PDGFRL: variants seen among roughly 807,000 people sequenced by gnomAD.
PDGFRL encodes platelet-derived growth factor receptor-like protein.
Under a neutral mutation model 37.2 loss-of-function variants are expected in PDGFRL, and 46 were observed. The observed-to-expected ratio is 1.24, with a 90% CI of 0.98 to 1.58. The LOEUF (loss-of-function observed/expected upper bound fraction) is 1.58, where lower values mean the gene tolerates loss of function less well. Among genes scored for constraint, PDGFRL ranks in the 40% most tolerant of loss-of-function variants. The pLI, the probability that PDGFRL is intolerant of heterozygous loss-of-function variation, is 0.00. For missense variants in PDGFRL, 692 were observed against 467.6 expected (o/e 1.48, Z -4.43); for synonymous variants, 251 against 184.3 (o/e 1.36, Z -2.93).
At chr8:17,609,024 G>C (rs1049344865) in intron 2 of PDGFRL, among the ~76,000 whole-genome samples, 5 of 152,112 alleles carry the variant, frequency 3.3e-5, no homozygotes, top group Non-Finnish European at 7.4e-5. Context: ...TTTGAGACCA[G>C]CCTGAGCAAA....
At chr8:17,640,001 C>T (rs771901812) in intron 5 of PDGFRL, among the ~76,000 whole-genome samples, 5 of 152,026 alleles carry the variant, frequency 3.3e-5, no homozygotes, top group South Asian at 2.1e-4. Flanking sequence ...TGTCTTTGTT[C>T]GATTGGGTTA....
chr8:17,622,164 C>T (rs540575748), intron 3 of PDGFRL, among the ~76,000 whole-genome samples: 46 of 152,308 alleles, frequency 3.0e-4, no homozygotes, highest in South Asian at 4.1e-4. Context: ...TTGAGAAACA[C>T]GTGTGCAGAA....
At chr8:17,600,284 G>T (rs1240026797) in intron 2 of PDGFRL, among the ~76,000 whole-genome samples, 2 of 152,010 alleles carry the variant, frequency 1.3e-5, no homozygotes, top group Non-Finnish European at 2.9e-5. Context: ...ATCGTGTCTT[G>T]GCCTTTGCAG....
intron 2 of PDGFRL, among the ~76,000 whole-genome samples, chr8:17,593,887 T>TG (rs1803995141): frequency 7.6e-4 from 27 of 35,642 alleles, no homozygotes; most frequent in Non-Finnish European, 2.8e-3. Context: ...AAACTCCATC[T>TG]CAAAAAAAAA....
At chr8:17,638,449 G>A (rs534462174) in intron 5 of PDGFRL, among the ~76,000 whole-genome samples, 48 of 151,902 alleles carry the variant, frequency 3.2e-4, no homozygotes, top group Middle Eastern at 3.2e-3. Context: ...ATTGAAACTT[G>A]TTTTGTGGCT....
chr8:17,618,496 A>G (rs1804572250), intron 2 of PDGFRL, among the ~76,000 whole-genome samples: 1 of 152,232 alleles, frequency 6.6e-6, no homozygotes, highest in Non-Finnish European at 1.5e-5. Context: ...TGAATCAGGC[A>G]TTGCACAAGG....
intron 2 of PDGFRL, among the ~76,000 whole-genome samples, chr8:17,599,060 T>C (rs1318926753): frequency 6.6e-6 from 1 of 152,230 alleles, no homozygotes; most frequent in Admixed American, 6.5e-5. Flanking sequence ...CTTGACCTCA[T>C]AGAGCCGTTA....
chr8:17,619,423 T>C (rs540321298), intron 2 of PDGFRL, among the ~76,000 whole-genome samples: 5 of 152,316 alleles, frequency 3.3e-5, no homozygotes, highest in East Asian at 1.9e-4. Flanking sequence ...TTTGCAAATA[T>C]ATTTGCCATG....
intron 3 of PDGFRL, among the ~76,000 whole-genome samples, chr8:17,628,086 C>T (rs1368700631): frequency 5.4e-5 from 8 of 149,308 alleles, no homozygotes; most frequent in Non-Finnish European, 1.2e-4. Flanking sequence ...CTCCGCCTCC[C>T]GGGTTCACGC....
chr8:17,635,057 A>T (rs530251209), intron 5 of PDGFRL, among the ~76,000 whole-genome samples: 21 of 152,214 alleles, frequency 1.4e-4, no homozygotes, highest in South Asian at 6.2e-4. Flanking sequence ...CAGTCTTTCA[A>T]TCCCATCTTC....
At chr8:17,605,098 CAG>C (rs1312792789) in intron 2 of PDGFRL, among the ~76,000 whole-genome samples, 1 of 151,942 alleles carries the variant, frequency 6.6e-6, no homozygotes, top group Non-Finnish European at 1.5e-5. Flanking sequence ...GCTTGGGCAA[CAG>C]AGTGAGACTC....
chr8:17,609,506 C>T (rs532681393), intron 2 of PDGFRL, among the ~76,000 whole-genome samples: 5 of 150,592 alleles, frequency 3.3e-5, no homozygotes, highest in Admixed American at 1.3e-4. Context: ...GGTGTGGTGG[C>T]GTGCACCTGT....
At chr8:17,587,257 G>A (rs1336609890) in intron 1 of PDGFRL, among the ~76,000 whole-genome samples, 1 of 152,158 alleles carries the variant, frequency 6.6e-6, no homozygotes, top group Non-Finnish European at 1.5e-5. Flanking sequence ...ATAGATAATA[G>A]CAAATATTTG....
At chr8:17,609,774 A>G (rs935385301) in intron 2 of PDGFRL, among the ~76,000 whole-genome samples, 19 of 151,872 alleles carry the variant, frequency 1.3e-4, no homozygotes, top group African/African-American at 4.1e-4. Context: ...AAGTGACTAG[A>G]TTGAGCCACA....
In PDGFRL at chr8:17,628,723, G is replaced by A. The variant is rs755642844; in HGVS notation, c.742G>A (p.Ala248Thr). 1 of 1,614,138 alleles carries A rather than the reference G, an allele frequency of 6.2e-7. No homozygotes were observed. The highest frequency in any genetic ancestry group is 1.7e-5 in the Admixed American group (1 of 60,020). ...SEHQGVVYCR[A>T]EAGGRSQISV... Reference sequence around the variant, plus strand: ...GCACCAGGGTGTGGTTTACTGCAGGGCGGAGGCCGGGGGCAGATCTCAGAT... The same window carrying A: ...GCACCAGGGTGTGGTTTACTGCAGGACGGAGGCCGGGGGCAGATCTCAGAT... Residue 248 changes from alanine (A) to threonine (T), a missense_variant, in exon 4 of 6, where the codon GCG (alanine) becomes ACG (threonine). Transcript: ENST00000251630.
chr8:17,602,429 C>G (rs540076492), intron 2 of PDGFRL, among the ~76,000 whole-genome samples: 35 of 152,168 alleles, frequency 2.3e-4, no homozygotes, highest in Non-Finnish European at 3.5e-4. Flanking sequence ...ATTCAGATCA[C>G]AGTACACTCT....
chr8:17,635,063 T>C (rs540895159), intron 5 of PDGFRL, among the ~76,000 whole-genome samples: 6 of 152,272 alleles, frequency 3.9e-5, no homozygotes, highest in African/African-American at 1.2e-4. Context: ...TTCAATCCCA[T>C]CTTCTGGGCC....
Position 17,642,789 on chromosome 8 carries a change from T to A in PDGFRL, c.1116T>A (p.Val372=). ...GACAGACCACAGTAGCTACCACTGT[T>A]GAGTTTTCCTGACTTGGAAAAGGAA... ...LQGQTTVATT[V]EFS is the part of the protein sequence containing the mutation. Residue 372 remains valine (V), a synonymous_variant, in exon 6 of 6, where the codon GTT becomes GTA. Coordinates refer to ENST00000251630, the MANE Select transcript of PDGFRL (RefSeq NM_001372073.1). 1 of 1,599,102 alleles carries A rather than the reference T, an allele frequency of 6.3e-7. No individual in the cohort carries two copies. Among genetic ancestry groups the A allele is most frequent in the Non-Finnish European group, 8.6e-7 (1 of 1,167,356 alleles).
intron 2 of PDGFRL, 84 bp downstream of exon 2, chr8:17,589,849 T>C: frequency 1.2e-6 from 1 of 802,116 alleles, no homozygotes; most frequent in Non-Finnish European, 2.0e-6. Flanking sequence ...TTACACATTG[T>C]TTCTGACATG....
Sources: allele counts gnomAD v4.1 joint callset (sites outside exome capture counted in the v4.1 genomes callset), GRCh38; gene constraint gnomAD v4.1.1; transcripts MANE v1.5; gene names NCBI Gene and HGNC (gene_info 2026-07-23, HGNC 2026-07-21).